The following AHNAK variants were observed in gnomAD, a reference collection of about 807,000 sequenced individuals.
AHNAK encodes the protein neuroblast differentiation-associated protein AHNAK.
Under a neutral mutation model 37.8 loss-of-function variants are expected in AHNAK, and 23 were observed. The ratio of observed to expected loss-of-function variants is 0.61; its 90% confidence interval spans 0.44 to 0.86. The LOEUF is 0.86. Ranked by LOEUF, AHNAK falls within the 40% of genes least tolerant of loss-of-function variation. The probability of loss-of-function intolerance (pLI) is 0.00; values close to 1 mark genes in which losing one functional copy is unlikely to be tolerated. For synonymous variants in AHNAK, 2,481 were observed against 2,636.3 expected (o/e 0.94, Z 1.80); for missense variants, 7,411 against 7,319.4 (o/e 1.01, Z -0.46).
intron 5 of AHNAK, among the ~76,000 whole-genome samples, chr11:62,456,119 G>T (rs754743054): frequency 1.3e-5 from 2 of 152,112 alleles, no homozygotes; most frequent in Non-Finnish European, 2.9e-5. Context: ...ATGTGAGGAC[G>T]CAGGGAAAAG....
intron 4 of AHNAK, among the ~76,000 whole-genome samples, chr11:62,496,687 C>T (rs1367800331): frequency 2.6e-5 from 4 of 151,940 alleles, no homozygotes; most frequent in African/African-American, 9.7e-5. Flanking sequence ...CCCAGCTACT[C>T]GGTAGGCTGA....
At chr11:62,506,848 G>A (rs902974232) in intron 4 of AHNAK, among the ~76,000 whole-genome samples, 4 of 152,190 alleles carry the variant, frequency 2.6e-5, no homozygotes, top group African/African-American at 9.7e-5. Context: ...CAGCCAGGAG[G>A]CTGAGCCTGA....
rs377642230 is a variant in AHNAK, at chr11:62,525,119, G to C, written c.9298C>G (p.Leu3100Val). The C allele has an allele frequency of 8.7e-5, 141 of 1,613,914 alleles. No homozygotes were observed. The highest frequency in any genetic ancestry group is 6.7e-5 in the African/African-American group (5 of 74,856). ...TCACCCTTCACTTTGGGACCTTTCAGGTTAAGATCAATGTCAGGCATGGAG... is the reference window on the plus strand; with the variant it reads ...TCACCCTTCACTTTGGGACCTTTCACGTTAAGATCAATGTCAGGCATGGAG... ...KISMPDIDLN[L>V]KGPKVKGDMD... The change falls in exon 5 of 5, where the codon CTG becomes GTG. Residue 3100 changes from leucine to valine, a missense_variant. Leu to Val is a conservative substitution (Grantham distance 32). Coordinates refer to ENST00000378024, the MANE Select transcript of AHNAK (RefSeq NM_001620.3).
chr11:62,468,897 A>C (rs1336654314), intron 5 of AHNAK, among the ~76,000 whole-genome samples: 1 of 152,236 alleles, frequency 6.6e-6, no homozygotes, highest in African/African-American at 2.4e-5. Context: ...CTGTCTTTAA[A>C]GTTAACCTCC....
chr11:62,532,276 T>C lies in AHNAK; in HGVS notation c.2141A>G (p.Glu714Gly), dbSNP rs750052715. ...LHVKGTKVKG[E>G]YDVTVPKLEG... ...CAGCTTTGGTACAGTTACATCATAC[T>C]CTCCCTTCACCTTTGTACCTTTCAC... Residue 714 changes from glutamate to glycine, a missense_variant, in exon 5 of 5, where the codon GAG becomes GGG. Glu to Gly is a moderately conservative substitution (Grantham distance 98, BLOSUM62 -2). Coordinates refer to ENST00000378024, the MANE Select transcript of AHNAK (RefSeq NM_001620.3). The C allele has an allele frequency of 6.2e-7, 1 of 1,614,002 alleles. No individual in the cohort carries two copies. Among genetic ancestry groups the C allele is most frequent in the Non-Finnish European group, 8.5e-7 (1 of 1,180,008 alleles).
chr11:62,527,632 T>A lies in AHNAK; in HGVS notation c.6785A>T (p.Glu2262Val). The A allele has an allele frequency of 6.2e-7, 1 of 1,613,942 alleles. No individual in the cohort carries two copies. The highest frequency in any genetic ancestry group is 8.5e-7 in the Non-Finnish European group (1 of 1,179,998). The change falls in exon 5 of 5, where the codon GAA becomes GTA. Residue 2262 changes from glutamate (E) to valine (V), a missense_variant. By Grantham distance (121) the Glu-to-Val change is moderately radical (BLOSUM62 -2). Coordinates refer to ENST00000378024, the MANE Select transcript of AHNAK (RefSeq NM_001620.3). Reference protein sequence around the residue: ...SMPGFKGEGPEVDVNLPKADV... With the variant: ...SMPGFKGEGPVVDVNLPKADV... ...AGCCTTGGGCAAGTTCACATCCACT[T>A]CTGGGCCCTCTCCTTTGAAGCCAGG... is the stretch of plus-strand genomic sequence containing the variant.
In AHNAK at chr11:62,530,492, G is replaced by A; in HGVS notation, c.3925C>T (p.Pro1309Ser). The A allele has an allele frequency of 6.2e-7, 1 of 1,612,084 alleles. No individual in the cohort carries two copies. Residue 1309 changes from proline to serine, a missense_variant, in exon 5 of 5, where the codon CCC becomes TCC. Transcript: ENST00000378024. ...TGCATCTCAGGCATCTTAAACTTGG[G>A]GCCCTTCAGCTTTCCTTCCGGGCCC... is the stretch of plus-strand genomic sequence containing the variant. ...LEGPEGKLKG[P>S]KFKMPEMHFK... is the part of the protein sequence containing the mutation.
At position 62,532,547 on chromosome 11, in the gene AHNAK, A is replaced by T; in HGVS notation, c.1870T>A (p.Trp624Arg). 2 of 1,614,014 alleles carry T rather than the reference A, an allele frequency of 1.2e-6. No homozygotes were observed. The highest frequency in any genetic ancestry group is 1.7e-6 in the Non-Finnish European group (2 of 1,179,998). The stretch of plus-strand genomic sequence containing the variant: ...TTCATCTTGGGCATTTTCAGGTTCC[A>T]TTCTGGGCCATGCGCTTCGACATCT... The part of the protein sequence containing the change: ...APDVEAHGPE[W>R]NLKMPKMKMP... Residue 624 changes from tryptophan (W) to arginine (R), a missense_variant, in exon 5 of 5, where the codon TGG becomes AGG. Coordinates refer to ENST00000378024, the MANE Select transcript of AHNAK (RefSeq NM_001620.3).
intron 5 of AHNAK, among the ~76,000 whole-genome samples, chr11:62,454,312 C>G (rs930937370): frequency 1.3e-5 from 2 of 150,646 alleles, no homozygotes; most frequent in African/African-American, 4.9e-5. Flanking sequence ...ACCCGGGAGG[C>G]CGAGGCAGGA....
Position 62,491,633 on chromosome 11 carries a change from G to A in AHNAK, c.442+99C>T. 7 of 1,166,714 alleles carry A rather than the reference G, an allele frequency of 6.0e-6. No homozygotes were observed. The East Asian group carries it at 7.7e-5, about 13-fold the overall frequency. 72.3% of individuals were successfully genotyped at this position (1,166,714 alleles called of 1,614,324 possible). On this transcript the variant is annotated intron_variant, in intron 5 of 5. Coordinates refer to the AHNAK transcript ENST00000257247. ...GGTCCTGAGCCATATCCTTCCACGT[G>A]TGGCTTCCACAGCCCAGGCAGGCAT...
chr11:62,440,341 A>C (rs945254328), intron 5 of AHNAK, among the ~76,000 whole-genome samples: 3 of 152,108 alleles, frequency 2.0e-5, no homozygotes, highest in Admixed American at 1.3e-4. Context: ...CCAAACAGGA[A>C]GTCAAAATTC....
chr11:62,505,876 T>C lies in AHNAK; in HGVS notation c.343-14045A>G, dbSNP rs937614666. ...TGCTTTCTTCTTCTCCAGCTCCCCATAATCTCCGGAATGAAGAGCAAGCGG... is the reference window on the plus strand; with the variant it reads ...TGCTTTCTTCTTCTCCAGCTCCCCACAATCTCCGGAATGAAGAGCAAGCGG... On this transcript the variant is annotated intron_variant, in intron 4 of 5. Transcript: ENST00000257247. Among the ~76,000 whole-genome samples the C allele has an allele frequency of 1.1e-3, 163 of 151,448 alleles. 1 individual carries two copies. Among genetic ancestry groups the C allele is most frequent in the African/African-American group, 3.7e-3 (154 of 41,162 alleles).
downstream of AHNAK, among the ~76,000 whole-genome samples, chr11:62,513,487 T>A (rs535225792): frequency 1.3e-3 from 191 of 151,484 alleles, no homozygotes; most frequent in African/African-American, 4.3e-3. Flanking sequence ...GTGAGCCAAA[T>A]TCACACCATT....
At chr11:62,457,028 C>T (rs1349445178) in intron 5 of AHNAK, among the ~76,000 whole-genome samples, 6 of 152,270 alleles carry the variant, frequency 3.9e-5, no homozygotes, top group Admixed American at 6.5e-5. Context: ...AGGATGGGCA[C>T]GGTGGCTTAT....
chr11:62,527,290 A>G lies in AHNAK; in HGVS notation c.7127T>C (p.Met2376Thr). Reference sequence around the variant, plus strand: ...GGGAGCTTTAAAGTGCATATCTGGCATCTTGAACTTAGGAGTTTTCCACTT... The same window carrying G: ...GGGAGCTTTAAAGTGCATATCTGGCGTCTTGAACTTAGGAGTTTTCCACTT... ...NGKWKTPKFKMPDMHFKAPKI... is the reference protein window; with the variant it reads ...NGKWKTPKFKTPDMHFKAPKI... Residue 2376 changes from methionine (M) to threonine (T), a missense_variant, in exon 5 of 5, where the codon ATG becomes ACG. Physicochemically the swap from Met to Thr is moderately conservative, Grantham distance 81 (BLOSUM62 -1). Coordinates refer to ENST00000378024, the MANE Select transcript of AHNAK (RefSeq NM_001620.3). 6.2e-7 allele frequency: 1 copy of G among 1,613,754 alleles called. No individual in the cohort carries two copies. Among genetic ancestry groups the G allele is most frequent in the South Asian group, 1.1e-5 (1 of 91,032 alleles).
At position 62,531,212 on chromosome 11, in the gene AHNAK, A is replaced by G. The variant is rs1265207639; in HGVS notation, c.3205T>C (p.Leu1069=). ...TTAAGATCCAGGTCAACATCTGGCA[A>G]AGACATCTTAGGAGCTCTGAAGTGC... ...EMHFRAPKMS[L]PDVDLDLKGP... The change falls in exon 5 of 5, where the codon TTG becomes CTG. Residue 1069 remains leucine (L), a synonymous_variant. Coordinates refer to ENST00000378024, the MANE Select transcript of AHNAK (RefSeq NM_001620.3). 1 of 1,613,572 alleles carries G rather than the reference A, an allele frequency of 6.2e-7. No individual in the cohort carries two copies. The highest frequency in any genetic ancestry group is 1.3e-5 in the African/African-American group (1 of 74,748).
downstream of AHNAK, among the ~76,000 whole-genome samples, chr11:62,513,513 C>T (rs575161608): frequency 2.0e-5 from 3 of 151,102 alleles, no homozygotes; most frequent in South Asian, 6.3e-4. Context: ...CCAGCCTGGG[C>T]AACAAGAGCG....
At chr11:62,513,709 C>T (rs977552642), downstream of AHNAK, among the ~76,000 whole-genome samples, 11 of 152,090 alleles carry the variant, frequency 7.2e-5, no homozygotes, top group African/African-American at 2.7e-4. Context: ...ACCATCACTG[C>T]GGGAAGCAGC....
rs766311707 is a variant in AHNAK, at chr11:62,535,160, A to T, written c.185T>A (p.Phe62Tyr). Residue 62 changes from phenylalanine to tyrosine, a missense_variant, in exon 4 of 5, where the codon TTT becomes TAT. By Grantham distance (22) the Phe-to-Tyr change is conservative. Coordinates refer to ENST00000378024, the MANE Select transcript of AHNAK (RefSeq NM_001620.3). ...CACCTCACCCGACTGCAGGTTGTCAAAGTAGATGGTGGCACCCACAATCTG... is the reference window on the plus strand; with the variant it reads ...CACCTCACCCGACTGCAGGTTGTCATAGTAGATGGTGGCACCCACAATCTG... ...GDQIVGATIYFDNLQSGEVTQ... is the reference protein window; with the variant it reads ...GDQIVGATIYYDNLQSGEVTQ... The T allele has an allele frequency of 6.2e-7, 1 of 1,612,276 alleles. No individual in the cohort carries two copies. The highest frequency in any genetic ancestry group is 8.5e-7 in the Non-Finnish European group (1 of 1,178,478).
Sources: gnomAD v4.1 joint callset for allele counts (sites outside exome capture counted in the v4.1 genomes callset) on GRCh38, gnomAD v4.1.1 for gene constraint, MANE v1.5 for transcripts, NCBI Gene and HGNC (gene_info 2026-07-23, HGNC 2026-07-21) for gene names.